The following RBPJ variants were observed in gnomAD, a reference collection of about 807,000 sequenced individuals.
The protein encoded by RBPJ is recombining binding protein suppressor of hairless.
Under a neutral mutation model 67.8 loss-of-function variants are expected in RBPJ, and 9 were observed. The ratio of observed to expected loss-of-function variants is 0.13; its 90% confidence interval spans 0.08 to 0.23. RBPJ has a LOEUF of 0.23. RBPJ is among the 10% of genes least tolerant of loss of function. The probability of loss-of-function intolerance (pLI) is 1.00; values close to 1 mark genes in which losing one functional copy is unlikely to be tolerated. For synonymous variants in RBPJ, 198 were observed against 203.3 expected, an observed-to-expected ratio of 0.97 and a Z score of 0.22; for missense variants, 305 against 595.6, an observed-to-expected ratio of 0.51 and a Z score of 5.08.
chr4:26,138,373 G>GGA, the RBPJ span, among the ~76,000 whole-genome samples: 5 of 147,324 alleles, frequency 3.4e-5, no homozygotes, highest in African/African-American at 1.2e-4. Context: ...TGGCACTAGA[G>GGA]AAAAAAAAAA....
chr4:26,138,360 C>T, the RBPJ span, among the ~76,000 whole-genome samples: 3 of 131,430 alleles, frequency 2.3e-5, no homozygotes, highest in South Asian at 8.4e-4. Context: ...GCTGGGGCCT[C>T]TCTGGCACTA....
Position 26,273,854 on chromosome 4 carries a change from G to A in RBPJ, c.-166-88592G>A, listed in dbSNP as rs1344951926. 7.9e-5 allele frequency among the ~76,000 whole-genome samples: 12 copies of A among 152,190 alleles called. No homozygotes were observed. The South Asian group carries it at 2.3e-3, about 29-fold the overall frequency. On this transcript the variant is annotated intron_variant, in intron 1 of 4. Coordinates refer to the RBPJ transcript ENST00000512351. The stretch of plus-strand genomic sequence containing the variant: ...CTCTTCTTCTTTGAAGCTGAACGCA[G>A]CCAAGACACAGTCATCGCCATTTGC...
At chr4:26,158,359 C>T in the RBPJ span, among the ~76,000 whole-genome samples, 1 of 152,192 alleles carries the variant, frequency 6.6e-6, no homozygotes, top group Non-Finnish European at 1.5e-5. Flanking sequence ...CCTGGTTATT[C>T]TACAGTTCCT....
In RBPJ at chr4:26,269,997, T is replaced by C. The variant is rs192300791; in HGVS notation, c.-166-92449T>C. Among the ~76,000 whole-genome samples, 197 of 151,986 alleles carry C rather than the reference T, an allele frequency of 1.3e-3. 5 individuals carry two copies. The highest frequency in any genetic ancestry group is 0.013 in the Admixed American group (195 of 15,244). On this transcript the variant is annotated intron_variant, in intron 1 of 4. Coordinates refer to the RBPJ transcript ENST00000512351. Reference sequence around the variant, plus strand: ...TCCTCGCCATGGGAAATTGCTGGTATGGGGCCAGGCACGGCGGCTCAGACC... The same window carrying C: ...TCCTCGCCATGGGAAATTGCTGGTACGGGGCCAGGCACGGCGGCTCAGACC...
intron 1 of RBPJ, among the ~76,000 whole-genome samples, chr4:26,195,039 G>A (rs1173117946): frequency 6.6e-6 from 1 of 152,146 alleles, no homozygotes; most frequent in African/African-American, 2.4e-5. Context: ...ATAAAAGTGA[G>A]TTTATTTATA....
chr4:26,247,360 T>C (rs1719961733), intron 1 of RBPJ, among the ~76,000 whole-genome samples: 1 of 152,184 alleles, frequency 6.6e-6, no homozygotes, highest in Non-Finnish European at 1.5e-5. Flanking sequence ...ATAGTATTGC[T>C]TTCTTCATAT....
intron 1 of RBPJ, among the ~76,000 whole-genome samples, chr4:26,270,027 A>G (rs899996339): frequency 9.2e-5 from 14 of 151,844 alleles, no homozygotes; most frequent in African/African-American, 3.4e-4. Context: ...CAGACCTGTA[A>G]TCTCAGCACT....
the RBPJ span, chr4:26,113,355 A>G: frequency 1.8e-6 from 1 of 547,298 alleles, no homozygotes; most frequent in Non-Finnish European, 3.6e-6. Context: ...ACCTTGTGGG[A>G]GAAGTCAAAC....
At chr4:26,300,396 A>G (rs558306085) in intron 1 of RBPJ, among the ~76,000 whole-genome samples, 1 of 152,360 alleles carries the variant, frequency 6.6e-6, no homozygotes, top group Admixed American at 6.5e-5. Flanking sequence ...ATCCAAGTCT[A>G]TACTCCTGAA....
At chr4:26,107,306 T>C in the RBPJ span, among the ~76,000 whole-genome samples, 1 of 152,192 alleles carries the variant, frequency 6.6e-6, no homozygotes, top group Non-Finnish European at 1.5e-5. Flanking sequence ...CCAAAGTGCC[T>C]TGGAAAGGAG....
chr4:26,290,317 TA>T (rs35451160), intron 1 of RBPJ, among the ~76,000 whole-genome samples: 54,813 of 109,352 alleles, frequency 0.5, 14,342 homozygotes, highest in Non-Finnish European at 0.61. Flanking sequence ...AGACCCTGTC[TA>T]AAAAAAAAAA....
At chr4:26,313,614 G>A (rs1577415952) in intron 1 of RBPJ, among the ~76,000 whole-genome samples, 1 of 151,882 alleles carries the variant, frequency 6.6e-6, no homozygotes, top group African/African-American at 2.4e-5. Flanking sequence ...AACTTGCAGT[G>A]AGCCAAGATC....
chr4:26,214,950 C>G (rs914196157), intron 1 of RBPJ, among the ~76,000 whole-genome samples: 1 of 36,822 alleles, frequency 2.7e-5, no homozygotes, highest in Non-Finnish European at 4.4e-5. Context: ...GGAGGAAGGA[C>G]GGAAGGAAGG....
chr4:26,180,129 A>G (rs1716930040), intron 1 of RBPJ, among the ~76,000 whole-genome samples: 1 of 152,122 alleles, frequency 6.6e-6, no homozygotes, highest in South Asian at 2.1e-4. Flanking sequence ...TGATGAGAAC[A>G]CATGGACACA....
intron 1 of RBPJ, among the ~76,000 whole-genome samples, chr4:26,249,237 C>T (rs1380644315): frequency 1.3e-5 from 2 of 152,082 alleles, no homozygotes; most frequent in African/African-American, 2.4e-5. Flanking sequence ...AACGTGCATA[C>T]AGCAAAGTAT....
intron 1 of RBPJ, among the ~76,000 whole-genome samples, chr4:26,236,954 G>C (rs879546490): frequency 1.3e-5 from 2 of 152,180 alleles, no homozygotes; most frequent in East Asian, 3.8e-4. Context: ...TTTAACAACA[G>C]ACTCCCTTGT....
At chr4:26,415,444 T>A in intron 3 of RBPJ, 31 bp from the exon 4 acceptor site, 1 of 1,526,580 alleles carries the variant, frequency 6.6e-7, no homozygotes, top group African/African-American at 1.4e-5. Context: ...TTTTTGCTTC[T>A]TGTTTTTTTT....
At chr4:26,308,654 T>C (rs1313010944) in intron 1 of RBPJ, among the ~76,000 whole-genome samples, 1 of 152,262 alleles carries the variant, frequency 6.6e-6, no homozygotes, top group Non-Finnish European at 1.5e-5. Flanking sequence ...TTTGATATAC[T>C]ACTATTTGTC....
the RBPJ span, among the ~76,000 whole-genome samples, chr4:26,157,108 C>CA: frequency 1.3e-4 from 15 of 117,812 alleles, no homozygotes; most frequent in East Asian, 2.0e-3. Context: ...CAAAAACAAA[C>CA]AAACAAACAA....
Sources: gnomAD v4.1 joint callset for allele counts (sites outside exome capture counted in the v4.1 genomes callset) on GRCh38, gnomAD v4.1.1 for gene constraint, MANE v1.5 for transcripts, NCBI Gene and HGNC (gene_info 2026-07-23, HGNC 2026-07-21) for gene names.